Variants in ZNF676 observed in about 807,000 individuals in gnomAD.
The protein encoded by ZNF676 is zinc finger protein 676.
A neutral mutation model predicts 6.0 loss-of-function variants in ZNF676; 4 were observed. The ratio of observed to expected loss-of-function variants is 0.67; its 90% CI spans 0.33 to 1.53. ZNF676 has a LOEUF of 1.53. Among genes scored for constraint, ZNF676 ranks in the 40% most tolerant of loss-of-function variants. The pLI is 0.06. For missense variants in ZNF676, 644 were observed against 679.7 expected, an observed-to-expected ratio of 0.95 and a Z score of 0.58; for synonymous variants, 198 against 223.1, an observed-to-expected ratio of 0.89 and a Z score of 1.00.
intron 1 of ZNF676, among the ~76,000 whole-genome samples, chr19:22,213,010 G>A (rs949069082): frequency 6.6e-6 from 1 of 151,622 alleles, no homozygotes; most frequent in Admixed American, 6.6e-5. Context: ...AAAAGAAGAA[G>A]AAAAAAAACT....
chr19:22,200,766 TCTC>T (rs1258360962), upstream of ZNF676, among the ~76,000 whole-genome samples: 1 of 152,116 alleles, frequency 6.6e-6, no homozygotes, highest in African/African-American at 2.4e-5. Flanking sequence ...GCCAAGCTGG[TCTC>T]GAACTCCTGA....
At chr19:22,244,952 G>T in the ZNF676 span, 2 of 152,178 alleles carry the variant, frequency 1.3e-5, no homozygotes. Flanking sequence ...TGGCATGGCC[G>T]AGGAAGAAGT....
intron 2 of ZNF676, among the ~76,000 whole-genome samples, chr19:22,188,320 G>A (rs1302598202): frequency 2.0e-5 from 3 of 152,122 alleles, no homozygotes; most frequent in African/African-American, 4.8e-5. Flanking sequence ...CACCTTTCGT[G>A]CTAAAAACTC....
the ZNF676 span, among the ~76,000 whole-genome samples, chr19:22,254,366 AAG>A: frequency 6.6e-6 from 1 of 152,120 alleles, no homozygotes; most frequent in Non-Finnish European, 1.5e-5. Flanking sequence ...CAGGCAAAAG[AAG>A]AGAGTCACAT....
chr19:22,196,750 A>G lies in ZNF676; in HGVS notation c.-117T>C. 6.3e-7 allele frequency: 1 copy of G among 1,575,582 alleles called. No individual in the cohort carries two copies. The highest frequency in any genetic ancestry group is 8.7e-7 in the Non-Finnish European group (1 of 1,147,846). On this transcript the variant is annotated 5_prime_UTR_variant, in exon 1 of 3. Transcript: ENST00000397121. ...CCCTGGAAAACACACACAAACACAT[A>G]TATTTACCAATTGGTCATGGGCAGA...
At chr19:22,234,745 C>A in the ZNF676 span, among the ~76,000 whole-genome samples, 1 of 151,916 alleles carries the variant, frequency 6.6e-6, no homozygotes, top group East Asian at 1.9e-4. Flanking sequence ...ACCAGCCTGG[C>A]CAACATGGTG....
upstream of ZNF676, among the ~76,000 whole-genome samples, chr19:22,217,187 T>A (rs1369548691): frequency 6.6e-6 from 1 of 152,004 alleles, no homozygotes; most frequent in African/African-American, 2.4e-5. Flanking sequence ...GAGTCCACTA[T>A]ATAATTCTTT....
At chr19:22,241,541 A>G in the ZNF676 span, among the ~76,000 whole-genome samples, 1 of 151,866 alleles carries the variant, frequency 6.6e-6, no homozygotes, top group Non-Finnish European at 1.5e-5. Flanking sequence ...ATGTGGAAGG[A>G]TGACCATCTT....
chr19:22,206,816 C>A (rs2024081086), intron 1 of ZNF676, among the ~76,000 whole-genome samples: 1 of 152,100 alleles, frequency 6.6e-6, no homozygotes, highest in South Asian at 2.1e-4. Flanking sequence ...AAATGTGATT[C>A]ATCACATAAA....
chr19:22,206,056 AACACACACAC>A (rs71180523), intron 1 of ZNF676, among the ~76,000 whole-genome samples: 60,580 of 146,544 alleles, frequency 0.41, 12,845 homozygotes, highest in African/African-American at 0.54. Flanking sequence ...CCCAAAACTC[AACACACACAC>A]ACACACACAC....
At chr19:22,226,960 T>G in the ZNF676 span, among the ~76,000 whole-genome samples, 7 of 152,182 alleles carry the variant, frequency 4.6e-5, no homozygotes, top group Admixed American at 1.3e-4. Context: ...TAGGTTCAAA[T>G]AATAGCATCA....
the ZNF676 span, among the ~76,000 whole-genome samples, chr19:22,255,744 C>G: frequency 6.6e-6 from 1 of 151,592 alleles, no homozygotes; most frequent in Non-Finnish European, 1.5e-5. Context: ...ACTCAAGAGG[C>G]TGAGGCAGGA....
rs532181154 is a variant in ZNF676 at position 22,196,947 on chromosome 19, G to A, written c.-314C>T. 1.8e-4 allele frequency: 84 copies of A among 471,052 alleles called. No homozygotes were observed. Among genetic ancestry groups the A allele is most frequent in the Non-Finnish European group, 2.9e-4 (77 of 269,762 alleles). 29.2% of individuals were successfully genotyped at this position (471,052 alleles called of 1,614,324 possible). ...TAAGATCCATAACATCTGTGTATAT[G>A]TAATATTTTTCTAGATAATAAAGTA... On this transcript the variant is annotated 5_prime_UTR_variant, in exon 1 of 3. Transcript: ENST00000397121.
chr19:22,239,936 A>G, the ZNF676 span, among the ~76,000 whole-genome samples: 1 of 152,280 alleles, frequency 6.6e-6, no homozygotes, highest in Non-Finnish European at 1.5e-5. Context: ...AGAAAGTCAC[A>G]TAACCTAGGT....
At position 22,181,026 on chromosome 19, in the gene ZNF676, C is replaced by T. The variant is rs367961273; in HGVS notation, c.691G>A (p.Gly231Ser). 2.5e-4 allele frequency: 386 copies of T among 1,570,688 alleles called. No homozygotes were observed. In the African/African-American group the frequency reaches 4.9e-3, roughly 20 times the overall value. ...GEKPYKCEEC[G>S]KAFNRSSILT... Reference sequence around the variant, plus strand: ...ATTGAGGATCGATTAAAAGCTTTGCCACATTCTTCACATTTGTAGGGTTTC... The same window carrying T: ...ATTGAGGATCGATTAAAAGCTTTGCTACATTCTTCACATTTGTAGGGTTTC... Residue 231 changes from glycine (G) to serine (S), a missense_variant, in exon 3 of 3, where the codon GGC becomes AGC. Around this residue, in one of 5 missense-constraint regions of ZNF676, gnomAD observed 280 missense variants for 269.3 expected, o/e 1.04. Transcript: ENST00000397121.
chr19:22,236,103 C>T, the ZNF676 span, among the ~76,000 whole-genome samples: 1 of 151,714 alleles, frequency 6.6e-6, no homozygotes, highest in African/African-American at 2.4e-5. Context: ...TTAATGGTGG[C>T]ACTAATCTCT....
chr19:22,217,193 T>C (rs2024200751), upstream of ZNF676, among the ~76,000 whole-genome samples: 2 of 151,906 alleles, frequency 1.3e-5, no homozygotes, highest in Admixed American at 1.3e-4. Context: ...ACTATATAAT[T>C]CTTTTTTTTA....
the ZNF676 span, among the ~76,000 whole-genome samples, chr19:22,222,922 G>T: frequency 2.6e-5 from 4 of 152,212 alleles, no homozygotes; most frequent in Admixed American, 1.3e-4. Flanking sequence ...TCAGGATGTG[G>T]ATGAGGATGC....
At chr19:22,199,596 T>A (rs1447371576), upstream of ZNF676, among the ~76,000 whole-genome samples, 2 of 152,236 alleles carry the variant, frequency 1.3e-5, no homozygotes, top group African/African-American at 2.4e-5. Context: ...GCATTTTTAT[T>A]TCTATTTGTT....
Sources: allele counts gnomAD v4.1 joint callset (sites outside exome capture counted in the v4.1 genomes callset), GRCh38; gene constraint gnomAD v4.1.1; regional missense constraint gnomAD v4.1.1; transcripts MANE v1.5; gene names NCBI Gene and HGNC (gene_info 2026-07-23, HGNC 2026-07-21).